The following STON2 variants were observed in gnomAD, a reference collection of about 807,000 sequenced individuals.
STON2 encodes stonin 2.
In STON2, 29 loss-of-function variants were observed where a neutral mutation model predicts 65.7. That is an observed-to-expected ratio of 0.44 (90% confidence interval 0.33 to 0.60). The LOEUF is 0.60. Among genes scored for constraint, STON2 ranks in the 20% least tolerant of loss-of-function variants. The pLI is 0.03. For synonymous variants in STON2, 404 were observed against 414.2 expected (o/e 0.98, Z 0.30); for missense variants, 1,054 against 1,118.1 (o/e 0.94, Z 0.82).
chr14:81,261,829 C>A lies in STON2; in HGVS notation c.*6585G>T. 2 of 1,534,168 alleles carry A rather than the reference C, an allele frequency of 1.3e-6. No homozygotes were observed. Among genetic ancestry groups the A allele is most frequent in the Non-Finnish European group, 1.7e-6 (2 of 1,146,440 alleles). On this transcript the variant is annotated 3_prime_UTR_variant, in exon 8 of 8. Coordinates refer to ENST00000614646, the MANE Select transcript of STON2 (RefSeq NM_001394390.1). Reference sequence around the variant, plus strand: ...GATGCCAGTGGAACTTCCAAAGAAGCATTCCACCTGATCTTCACCACCCTC... The same window carrying A: ...GATGCCAGTGGAACTTCCAAAGAAGAATTCCACCTGATCTTCACCACCCTC...
At chr14:81,317,293 C>T (rs1008210702) in intron 5 of STON2, among the ~76,000 whole-genome samples, 4 of 152,274 alleles carry the variant, frequency 2.6e-5, no homozygotes, top group African/African-American at 9.6e-5. Context: ...GGATCTGCCC[C>T]CAGGACCCAA....
At chr14:81,344,000 G>A (rs1897716436) in intron 4 of STON2, among the ~76,000 whole-genome samples, 1 of 152,068 alleles carries the variant, frequency 6.6e-6, no homozygotes, top group African/African-American at 2.4e-5. Context: ...AAAGAATACG[G>A]AACTAGCATT....
chr14:81,435,900 G>A (rs77529834), intron 1 of STON2, among the ~76,000 whole-genome samples: 3,692 of 152,286 alleles, frequency 0.024, 69 homozygotes, highest in Non-Finnish European at 0.038. Context: ...GGCGGGGCGC[G>A]GCGCCAACCC....
At position 81,262,320 on chromosome 14, in the gene STON2, G is replaced by A. The variant is rs534546891; in HGVS notation, c.*6094C>T. 11 of 985,410 alleles carry A rather than the reference G, an allele frequency of 1.1e-5. No individual in the cohort carries two copies. The highest frequency in any genetic ancestry group is 1.1e-4 in the East Asian group (1 of 8,816). 61.0% of individuals were successfully genotyped at this position (985,410 alleles called of 1,614,324 possible). Reference sequence around the variant, plus strand: ...TAAATAAACAATCCTCAATGTCCTCGTGTCTAGCCTTTCCTCCCTTTAGGG... The same window carrying A: ...TAAATAAACAATCCTCAATGTCCTCATGTCTAGCCTTTCCTCCCTTTAGGG... On this transcript the variant is annotated 3_prime_UTR_variant, in exon 8 of 8. Coordinates refer to ENST00000614646, the MANE Select transcript of STON2 (RefSeq NM_001394390.1).
chr14:81,371,336 T>C, intron 3 of STON2, 151 bp from the exon 4 acceptor site: 7 of 711,128 alleles, frequency 9.8e-6, no homozygotes, highest in South Asian at 1.9e-5. Flanking sequence ...GTATCACTCA[T>C]GACACAGACA....
At chr14:81,363,779 T>C (rs1898602729) in intron 4 of STON2, among the ~76,000 whole-genome samples, 2 of 152,166 alleles carry the variant, frequency 1.3e-5, no homozygotes, top group Non-Finnish European at 2.9e-5. Context: ...ATTCAAGGTT[T>C]AAAAATATCA....
chr14:81,310,289 T>C (rs1488859764), intron 5 of STON2, among the ~76,000 whole-genome samples: 1 of 152,234 alleles, frequency 6.6e-6, no homozygotes, highest in Non-Finnish European at 1.5e-5. Flanking sequence ...CCTGCAGTCA[T>C]TGCCAGGAGA....
chr14:81,299,883 A>ATT lies in STON2; in HGVS notation c.743-21145_743-21144insAA, dbSNP rs199878787. Among the ~76,000 whole-genome samples, 313 of 112,982 alleles carry ATT rather than the reference A, an allele frequency of 2.8e-3. 1 individual carries two copies. The highest frequency in any genetic ancestry group is 9.9e-3 in the African/African-American group (259 of 26,052). The allele number at this position is 112,982 out of a possible 152,430, so 74.1% of individuals were successfully genotyped here. The stretch of plus-strand genomic sequence containing the variant: ...CTCAAAATTGTTAAGATGGAAAAAA[A>ATT]ATTTTTTTTTTTTTTAAATTGATCT... On this transcript the variant is annotated intron_variant, in intron 5 of 7. Coordinates refer to ENST00000614646, the MANE Select transcript of STON2 (RefSeq NM_001394390.1).
intron 3 of STON2, among the ~76,000 whole-genome samples, chr14:81,389,932 G>C (rs917737310): frequency 6.6e-6 from 1 of 152,152 alleles, no homozygotes; most frequent in African/African-American, 2.4e-5. Context: ...AAAAACGTAG[G>C]CCAGGCATGG....
chr14:81,330,374 G>A (rs984714922), intron 4 of STON2, among the ~76,000 whole-genome samples: 6 of 152,074 alleles, frequency 3.9e-5, no homozygotes, highest in African/African-American at 1.4e-4. Flanking sequence ...ACACTGTAGA[G>A]ACTGAGTTAC....
rs77103557 is a variant in STON2 at position 81,267,503 on chromosome 14, G to T, written c.*911C>A. ...TGAGGTATAAAAAGAACTCCCAAAT[G>T]CCCCTTACAAATGCCTCAGGTATTA... On this transcript the variant is annotated 3_prime_UTR_variant, in exon 8 of 8. Coordinates refer to ENST00000614646, the MANE Select transcript of STON2 (RefSeq NM_001394390.1). 30,200 of 985,090 alleles carry T rather than the reference G, an allele frequency of 0.031. 520 individuals are homozygous for T. The highest frequency in any genetic ancestry group is 0.051 in the South Asian group (1,089 of 21,266). 61.0% of individuals were successfully genotyped at this position (985,090 alleles called of 1,614,324 possible). A position where few individuals can be genotyped will look rare whatever the true frequency, so the allele number is the denominator to read the frequency against.
intron 6 of STON2, among the ~76,000 whole-genome samples, chr14:81,272,935 T>C (rs1233031507): frequency 6.6e-6 from 1 of 152,208 alleles, no homozygotes; most frequent in Non-Finnish European, 1.5e-5. Context: ...AGCCGTTAAG[T>C]GGTAGAGCTG....
At position 81,317,013 on chromosome 14, in the gene STON2, C is replaced by T. The variant is rs181882390; in HGVS notation, c.742+7004G>A. On this transcript the variant is annotated intron_variant, in intron 5 of 7. Coordinates refer to ENST00000614646, the MANE Select transcript of STON2 (RefSeq NM_001394390.1). ...CCAGCCTGGGTGATAGAGTGAGACT[C>T]TGTCTCAAAAAAAAAGAAAAAAGAA... Among the ~76,000 whole-genome samples the T allele has an allele frequency of 1.8e-3, 276 of 152,042 alleles. 1 individual carries two copies. Among genetic ancestry groups the T allele is most frequent in the Middle Eastern group, 6.8e-3 (2 of 294 alleles).
At chr14:81,394,573 G>A (rs61986599) in intron 3 of STON2, among the ~76,000 whole-genome samples, 41,831 of 152,006 alleles carry the variant, frequency 0.28, 6,242 homozygotes, top group South Asian at 0.35. Flanking sequence ...ATCCCGGTGA[G>A]CCCAGTGTAA....
chr14:81,303,059 G>GGGGT (rs1555397332), intron 5 of STON2, among the ~76,000 whole-genome samples: 11 of 96,952 alleles, frequency 1.1e-4, no homozygotes, highest in African/African-American at 2.4e-4. Flanking sequence ...ATGTGTGGGG[G>GGGGT]GTGTGTGTGT....
At chr14:81,370,863 A>C (rs546642738) in intron 4 of STON2, 125 bp downstream of exon 4, 13 of 854,098 alleles carry the variant, frequency 1.5e-5, no homozygotes, top group Non-Finnish European at 2.2e-5. Flanking sequence ...TTTTGACTGG[A>C]TAACAACACC....
chr14:81,351,027 G>A (rs2140315094), intron 4 of STON2, among the ~76,000 whole-genome samples: 1 of 152,234 alleles, frequency 6.6e-6, no homozygotes, highest in East Asian at 1.9e-4. Flanking sequence ...TCTTTCATAG[G>A]TGAATTTGAT....
At chr14:81,269,534 C>T (rs1345138979) in intron 7 of STON2, 9 of 985,394 alleles carry the variant, frequency 9.1e-6, no homozygotes, top group Non-Finnish European at 1.1e-5. Context: ...ATATTTATGA[C>T]GCTTGACCTA....
chr14:81,423,244 C>T (rs1048912797), intron 2 of STON2, among the ~76,000 whole-genome samples: 5 of 152,120 alleles, frequency 3.3e-5, no homozygotes, highest in African/African-American at 7.2e-5. Context: ...ACTTGAAGGC[C>T]TCTCCTTGAA....
Sources: gnomAD v4.1 joint callset for allele counts (sites outside exome capture counted in the v4.1 genomes callset) on GRCh38, gnomAD v4.1.1 for gene constraint, MANE v1.5 for transcripts, NCBI Gene and HGNC (gene_info 2026-07-23, HGNC 2026-07-21) for gene names.